The following PDE4B variants were observed in gnomAD, a reference collection of about 807,000 sequenced individuals.
The protein encoded by PDE4B is phosphodiesterase 4B.
A neutral mutation model predicts 82.2 loss-of-function variants in PDE4B; 20 were observed. The ratio of observed to expected loss-of-function variants is 0.24; its 90% CI spans 0.17 to 0.35. The LOEUF is 0.35. Ranked by LOEUF, PDE4B falls within the 10% of genes least tolerant of loss-of-function variation. The probability of loss-of-function intolerance (pLI) is 1.00; values close to 1 mark genes in which losing one functional copy is unlikely to be tolerated. For missense variants in PDE4B, 655 were observed against 907.2 expected, an observed-to-expected ratio of 0.72 and a Z score of 3.57; for synonymous variants, 320 against 318.9, an observed-to-expected ratio of 1.00 and a Z score of -0.04.
chr1:66,118,838 C>T (rs1645651193), intron 3 of PDE4B, among the ~76,000 whole-genome samples: 1 of 151,948 alleles, frequency 6.6e-6, no homozygotes, highest in South Asian at 2.1e-4. Flanking sequence ...TTCTTCTCTA[C>T]TTTTGCATAT....
chr1:66,213,457 T>A (rs1204290925), intron 3 of PDE4B, among the ~76,000 whole-genome samples: 1 of 152,198 alleles, frequency 6.6e-6, no homozygotes, highest in Non-Finnish European at 1.5e-5. Context: ...CTTTGCTACA[T>A]ACCTATAGCA....
chr1:65,987,941 T>A (rs560694814), intron 3 of PDE4B, among the ~76,000 whole-genome samples: 297 of 152,270 alleles, frequency 2.0e-3, no homozygotes, highest in African/African-American at 6.9e-3. Context: ...TATCTGAAAA[T>A]GGGTATAATA....
chr1:65,965,244 C>T (rs1355766245), intron 3 of PDE4B, among the ~76,000 whole-genome samples: 1 of 150,686 alleles, frequency 6.6e-6, no homozygotes, highest in East Asian at 1.9e-4. Flanking sequence ...TAAGGCATTT[C>T]CTCCCCCCCC....
chr1:66,038,581 G>T (rs1038608725), intron 3 of PDE4B, among the ~76,000 whole-genome samples: 1 of 152,166 alleles, frequency 6.6e-6, no homozygotes, highest in Non-Finnish European at 1.5e-5. Flanking sequence ...CAAGATATCT[G>T]AGATGGTAGA....
intron 3 of PDE4B, among the ~76,000 whole-genome samples, chr1:65,939,818 C>T (rs116591777): frequency 0.011 from 1,695 of 152,172 alleles, 34 homozygotes; most frequent in African/African-American, 0.039. Context: ...GATCCACTTA[C>T]GCAAGGCACT....
At chr1:66,313,631 C>T (rs1347025239) in intron 7 of PDE4B, among the ~76,000 whole-genome samples, 2 of 152,342 alleles carry the variant, frequency 1.3e-5, no homozygotes, top group Admixed American at 1.3e-4. Context: ...TTGCACCCTG[C>T]AGAGTTGGAA....
At chr1:66,182,041 A>G (rs894426342) in intron 3 of PDE4B, among the ~76,000 whole-genome samples, 3 of 152,144 alleles carry the variant, frequency 2.0e-5, no homozygotes, top group Non-Finnish European at 2.9e-5. Flanking sequence ...CCATTCCTCA[A>G]AAAAGGGCTT....
intron 3 of PDE4B, among the ~76,000 whole-genome samples, chr1:66,009,299 A>G (rs1652333608): frequency 6.6e-6 from 1 of 152,198 alleles, no homozygotes; most frequent in Non-Finnish European, 1.5e-5. Context: ...TCTCATCACC[A>G]GCTGTCGCTG....
intron 3 of PDE4B, among the ~76,000 whole-genome samples, chr1:66,060,994 T>C (rs1330393891): frequency 6.6e-6 from 1 of 151,728 alleles, no homozygotes; most frequent in Non-Finnish European, 1.5e-5. Flanking sequence ...AAGAAGTGAA[T>C]AAAATTGAGA....
intron 1 of PDE4B, among the ~76,000 whole-genome samples, chr1:65,910,612 C>T (rs1362363038): frequency 6.6e-6 from 1 of 152,166 alleles, no homozygotes; most frequent in African/African-American, 2.4e-5. Flanking sequence ...ACAAAAAGGG[C>T]TATGAAATAC....
At chr1:66,025,630 G>T (rs1022113247) in intron 3 of PDE4B, among the ~76,000 whole-genome samples, 3 of 152,158 alleles carry the variant, frequency 2.0e-5, no homozygotes, top group African/African-American at 7.2e-5. Flanking sequence ...TTTCTTCCCA[G>T]ACTAATGTTT....
chr1:66,327,287 T>C (rs1659807642), intron 7 of PDE4B, among the ~76,000 whole-genome samples: 2 of 152,152 alleles, frequency 1.3e-5, no homozygotes, highest in Admixed American at 1.3e-4. Context: ...AATAAAAAGA[T>C]CATTGACTGA....
intron 3 of PDE4B, among the ~76,000 whole-genome samples, chr1:66,059,838 G>C (rs1655492188): frequency 6.6e-6 from 1 of 152,024 alleles, no homozygotes; most frequent in Non-Finnish European, 1.5e-5. Context: ...GGGATCAAAA[G>C]AGAGCTTATT....
chr1:66,056,260 A>G (rs1288039846), intron 3 of PDE4B, among the ~76,000 whole-genome samples: 2 of 152,118 alleles, frequency 1.3e-5, no homozygotes, highest in Non-Finnish European at 2.9e-5. Flanking sequence ...TCTCTATTAC[A>G]GAAGTTATGG....
chr1:65,824,828 G>C (rs567251807), intron 1 of PDE4B, among the ~76,000 whole-genome samples: 1 of 152,224 alleles, frequency 6.6e-6, no homozygotes, highest in African/African-American at 2.4e-5. Context: ...GGTCTGAGTT[G>C]GTGTGCAGGC....
In PDE4B at chr1:66,080,607, T is replaced by A. The variant is rs77379712; in HGVS notation, c.281+161772T>A. Among the ~76,000 whole-genome samples, 292 of 152,296 alleles carry A rather than the reference T, an allele frequency of 1.9e-3. 1 individual carries two copies. The highest frequency in any genetic ancestry group is 6.7e-3 in the African/African-American group (279 of 41,574). ...AGTGGGAAAAGCATGTCTTCGCCAG[T>A]GTGTCCCCAGGTGCTGAGGAGCCCC... On this transcript the variant is annotated intron_variant, in intron 3 of 16. Coordinates refer to ENST00000341517, the MANE Select transcript of PDE4B (RefSeq NM_002600.4).
chr1:66,291,503 G>T (rs1019937491), intron 7 of PDE4B, among the ~76,000 whole-genome samples: 3 of 152,108 alleles, frequency 2.0e-5, no homozygotes, highest in South Asian at 2.1e-4. Flanking sequence ...TATTTAGACC[G>T]GTTTCTACTC....
chr1:65,967,264 G>T (rs1232772891), intron 3 of PDE4B, among the ~76,000 whole-genome samples: 1 of 152,166 alleles, frequency 6.6e-6, no homozygotes, highest in Non-Finnish European at 1.5e-5. Context: ...CATTTATACA[G>T]CCAACACGCA....
chr1:66,192,742 T>C (rs1268053484), intron 3 of PDE4B, among the ~76,000 whole-genome samples: 2 of 152,158 alleles, frequency 1.3e-5, no homozygotes, highest in Non-Finnish European at 2.9e-5. Context: ...AAAGGCTGTA[T>C]CTCTCATCAA....
Sources: allele counts gnomAD v4.1 joint callset (sites outside exome capture counted in the v4.1 genomes callset), GRCh38; gene constraint gnomAD v4.1.1; transcripts MANE v1.5; gene names NCBI Gene and HGNC (gene_info 2026-07-23, HGNC 2026-07-21).